Variants in DDAH1 observed in about 807,000 individuals in gnomAD.
DDAH1 encodes the protein dimethylarginine dimethylaminohydrolase 1.
Under a neutral mutation model 28.8 loss-of-function variants are expected in DDAH1, and 19 were observed. The ratio of observed to expected loss-of-function variants is 0.66; its 90% CI spans 0.46 to 0.97. The LOEUF is 0.97. Among genes scored for constraint, DDAH1 ranks in the 50% least tolerant of loss-of-function variants. DDAH1 has a pLI of 0.00. For synonymous variants in DDAH1, 153 were observed against 154.4 expected (o/e 0.99, Z 0.07); for missense variants, 326 against 375.9 (o/e 0.87, Z 1.10).
intron 1 of DDAH1, among the ~76,000 whole-genome samples, chr1:85,365,034 T>C (rs1026030384): frequency 4.6e-5 from 7 of 152,362 alleles, no homozygotes; most frequent in South Asian, 2.1e-4. Flanking sequence ...AACATTTATA[T>C]AGTCTTCCTA....
At chr1:85,508,942 G>C (rs528482052) in intron 1 of DDAH1, among the ~76,000 whole-genome samples, 25 of 152,358 alleles carry the variant, frequency 1.6e-4, no homozygotes, top group African/African-American at 5.3e-4. Context: ...AAACATCCCT[G>C]TCTGACAGCT....
At chr1:85,387,812 TA>T (rs1242453706) in intron 1 of DDAH1, among the ~76,000 whole-genome samples, 5 of 152,160 alleles carry the variant, frequency 3.3e-5, no homozygotes, top group Non-Finnish European at 5.9e-5. Context: ...AAAAAAGGTT[TA>T]TTTGGCTCAC....
chr1:85,377,909 A>G (rs942788781), intron 1 of DDAH1, among the ~76,000 whole-genome samples: 1 of 152,196 alleles, frequency 6.6e-6, no homozygotes, highest in Admixed American at 6.6e-5. Flanking sequence ...TTGATCTCTA[A>G]TTTCTGACAG....
At chr1:85,508,877 C>A (rs1351064848) in intron 1 of DDAH1, among the ~76,000 whole-genome samples, 1 of 152,242 alleles carries the variant, frequency 6.6e-6, no homozygotes. Flanking sequence ...CTAGACTCCA[C>A]CTCTGCCGGC....
At chr1:85,508,701 T>C (rs1051155257) in intron 1 of DDAH1, among the ~76,000 whole-genome samples, 8 of 152,248 alleles carry the variant, frequency 5.3e-5, no homozygotes, top group Admixed American at 2.0e-4. Context: ...CCCACACCCA[T>C]GGATCCTTGC....
chr1:85,427,170 A>C (rs900430671), intron 1 of DDAH1, among the ~76,000 whole-genome samples: 1 of 151,962 alleles, frequency 6.6e-6, no homozygotes, highest in African/African-American at 2.4e-5. Context: ...AAGAGAATAC[A>C]GGTCTCTGAT....
chr1:85,476,601 A>G (rs925704313), intron 2 of DDAH1, among the ~76,000 whole-genome samples: 31 of 152,058 alleles, frequency 2.0e-4, no homozygotes, highest in Admixed American at 1.8e-3. Context: ...GGCTTCCTAC[A>G]GGTGAGAAGT....
Position 85,395,398 on chromosome 1 carries a change from C to T in DDAH1, c.304-36551G>A, listed in dbSNP as rs544292663. The stretch of plus-strand genomic sequence containing the variant: ...TCAATATGAAAACGAGGAGATTGGG[C>T]GCAGTGGCTCATGCCTGTAGTCCCA... On this transcript the variant is annotated intron_variant, in intron 1 of 5. Transcript: ENST00000284031. Among the ~76,000 whole-genome samples the T allele has an allele frequency of 2.0e-5, 3 of 152,254 alleles. No individual in the cohort carries two copies. The East Asian group carries it at 5.8e-4, about 29-fold the overall frequency.
chr1:85,425,933 T>C (rs1403791296), intron 1 of DDAH1, among the ~76,000 whole-genome samples: 1 of 152,208 alleles, frequency 6.6e-6, no homozygotes, highest in African/African-American at 2.4e-5. Context: ...CATTTTGTGA[T>C]AAGCACTAGT....
chr1:85,483,958 T>G (rs562780127), intron 2 of DDAH1, among the ~76,000 whole-genome samples: 1 of 152,314 alleles, frequency 6.6e-6, no homozygotes, highest in East Asian at 1.9e-4. Context: ...AAAGACATGG[T>G]GCCTAAGGGG....
At chr1:85,364,298 C>A (rs1649947986) in intron 1 of DDAH1, among the ~76,000 whole-genome samples, 1 of 152,042 alleles carries the variant, frequency 6.6e-6, no homozygotes, top group South Asian at 2.1e-4. Context: ...ATTGTAAGAT[C>A]CTGTGCCAAG....
chr1:85,335,968 GAAATAAAATAAAATAAAATAAAATA>G (rs139704444), intron 4 of DDAH1, among the ~76,000 whole-genome samples: 19 of 143,862 alleles, frequency 1.3e-4, no homozygotes, highest in East Asian at 4.0e-4. Flanking sequence ...TCTCTAAAAT[GAAATAAAATAAAATAAAATAAAATA>G]AAATAAAATA....
chr1:85,532,690 A>G (rs1011779877), intron 1 of DDAH1, among the ~76,000 whole-genome samples: 1 of 151,988 alleles, frequency 6.6e-6, no homozygotes, highest in East Asian at 1.9e-4. Flanking sequence ...TATGAAGGGG[A>G]GAATCCCTCT....
chr1:85,516,828 C>A (rs1255606988), intron 1 of DDAH1, among the ~76,000 whole-genome samples: 1 of 151,920 alleles, frequency 6.6e-6, no homozygotes, highest in Non-Finnish European at 1.5e-5. Flanking sequence ...TCCCAGTGTT[C>A]TTTCTGCTTC....
intron 1 of DDAH1, chr1:85,379,453 T>C: frequency 3.4e-6 from 1 of 296,020 alleles, no homozygotes; most frequent in Non-Finnish European, 5.0e-6. Context: ...AGAAAATTTA[T>C]AGTGACAGGT....
chr1:85,554,346 G>C (rs1183012349), intron 1 of DDAH1, among the ~76,000 whole-genome samples: 3 of 129,674 alleles, frequency 2.3e-5, no homozygotes, highest in Admixed American at 8.8e-5. Flanking sequence ...TCAGTATCAT[G>C]TCCTATACTT....
chr1:85,371,497 C>T (rs11799987), intron 1 of DDAH1, among the ~76,000 whole-genome samples: 5,479 of 152,166 alleles, frequency 0.036, 337 homozygotes, highest in African/African-American at 0.12. Flanking sequence ...TAATACTCTA[C>T]CTCAAACAAC....
chr1:85,332,582 A>C (rs987197295), intron 4 of DDAH1, among the ~76,000 whole-genome samples: 12 of 152,128 alleles, frequency 7.9e-5, no homozygotes, highest in Admixed American at 2.0e-4. Flanking sequence ...GGGCCTGAGA[A>C]TAGGCCTGCC....
rs568184466 is a variant in DDAH1 at position 85,462,335 on chromosome 1, A to T, written c.303+2408T>A. 4.6e-5 allele frequency among the ~76,000 whole-genome samples: 7 copies of T among 152,220 alleles called. No homozygotes were observed. In the East Asian group the frequency reaches 9.7e-4, roughly 21 times the overall value. On this transcript the variant is annotated intron_variant, in intron 1 of 5. Transcript: ENST00000284031. ...CAGCCCAGCTCAATGGGTTTATCTA[A>T]GCTCAGTGGGGGCCCCTTGAGAATT...
Sources: allele counts gnomAD v4.1 joint callset (sites outside exome capture counted in the v4.1 genomes callset), GRCh38; gene constraint gnomAD v4.1.1; transcripts MANE v1.5; gene names NCBI Gene and HGNC (gene_info 2026-07-23, HGNC 2026-07-21).